NALF1: variants seen among roughly 807,000 people sequenced by gnomAD.
NALF1 encodes the protein family with sequence similarity 155 member A.
In NALF1, 3 loss-of-function variants were observed where a neutral mutation model predicts 48.4. The observed-to-expected ratio is 0.06, with a 90% CI of 0.03 to 0.16. The LOEUF (loss-of-function observed/expected upper bound fraction) is 0.16. Ranked by LOEUF, NALF1 falls within the 10% of genes least tolerant of loss-of-function variation. The pLI is 1.00. For missense variants in NALF1, 526 were observed against 571.5 expected (o/e 0.92, Z 0.81); for synonymous variants, 262 against 245.7 (o/e 1.07, Z -0.62).
chr13:107,693,760 G>A (rs555939156), intron 1 of NALF1, among the ~76,000 whole-genome samples: 1 of 152,164 alleles, frequency 6.6e-6, no homozygotes, highest in Non-Finnish European at 1.5e-5. Flanking sequence ...CCCTCAAAAA[G>A]ATGTCATAAA....
chr13:107,334,339 C>T (rs1882519016), intron 1 of NALF1, among the ~76,000 whole-genome samples: 1 of 152,148 alleles, frequency 6.6e-6, no homozygotes, highest in Non-Finnish European at 1.5e-5. Context: ...ACATCCTGCC[C>T]GAAGGACCAA....
chr13:107,790,871 T>C (rs1013684973), intron 1 of NALF1, among the ~76,000 whole-genome samples: 4 of 152,116 alleles, frequency 2.6e-5, no homozygotes, highest in African/African-American at 9.7e-5. Context: ...CTTATAACAG[T>C]GTTACATCAT....
intron 1 of NALF1, among the ~76,000 whole-genome samples, chr13:107,711,021 T>A (rs1210663733): frequency 6.6e-6 from 1 of 152,102 alleles, no homozygotes. Context: ...AATCATTTTA[T>A]GAAAGACTGC....
At chr13:107,505,818 T>C (rs1290121271) in intron 1 of NALF1, among the ~76,000 whole-genome samples, 1 of 152,214 alleles carries the variant, frequency 6.6e-6, no homozygotes, top group African/African-American at 2.4e-5. Flanking sequence ...ATTTCCATAT[T>C]ATTGTGAGAA....
chr13:107,363,075 C>T (rs1287309399), intron 1 of NALF1, among the ~76,000 whole-genome samples: 1 of 152,168 alleles, frequency 6.6e-6, no homozygotes, highest in Non-Finnish European at 1.5e-5. Context: ...TTAAGTCCTT[C>T]AATACTGTGC....
At chr13:107,343,907 AAC>A (rs978990031) in intron 1 of NALF1, among the ~76,000 whole-genome samples, 21 of 152,276 alleles carry the variant, frequency 1.4e-4, no homozygotes, top group African/African-American at 5.1e-4. Flanking sequence ...AAAAAAATTA[AAC>A]ACAGAGTTTT....
chr13:107,706,353 G>A (rs1390520213), intron 1 of NALF1, among the ~76,000 whole-genome samples: 1 of 152,184 alleles, frequency 6.6e-6, no homozygotes, highest in East Asian at 1.9e-4. Context: ...TTTAGAATAT[G>A]TGGACACGCA....
intron 1 of NALF1, among the ~76,000 whole-genome samples, chr13:107,702,222 A>T (rs1881839959): frequency 6.6e-6 from 1 of 151,354 alleles, no homozygotes. Flanking sequence ...TAGCGAATTT[A>T]TTAAACTTTC....
At chr13:107,547,116 G>A (rs1877155613) in intron 1 of NALF1, among the ~76,000 whole-genome samples, 1 of 152,164 alleles carries the variant, frequency 6.6e-6, no homozygotes. Flanking sequence ...AATAAATGAT[G>A]AGCATTGATA....
chr13:107,744,868 TA>T (rs1876742200), intron 1 of NALF1, among the ~76,000 whole-genome samples: 1 of 152,222 alleles, frequency 6.6e-6, no homozygotes, highest in Non-Finnish European at 1.5e-5. Context: ...AACTCTAGGT[TA>T]AAAAGAATTA....
intron 2 of NALF1, among the ~76,000 whole-genome samples, chr13:107,196,545 G>A (rs1159182179): frequency 1.3e-5 from 2 of 152,182 alleles, no homozygotes; most frequent in African/African-American, 4.8e-5. Flanking sequence ...TTGCCACAAT[G>A]TGGATGAACC....
chr13:107,540,240 T>A (rs1178992777), intron 1 of NALF1, among the ~76,000 whole-genome samples: 1 of 152,066 alleles, frequency 6.6e-6, no homozygotes, highest in South Asian at 2.1e-4. Flanking sequence ...ACATGGAATG[T>A]TTGTCAAGCT....
chr13:107,746,410 G>T (rs1205445705), intron 1 of NALF1, among the ~76,000 whole-genome samples: 1 of 152,038 alleles, frequency 6.6e-6, no homozygotes, highest in African/African-American at 2.4e-5. Flanking sequence ...ATATTGTGTT[G>T]GAGAAAAATA....
intron 2 of NALF1, among the ~76,000 whole-genome samples, chr13:107,171,074 T>G (rs185740770): frequency 6.6e-6 from 1 of 152,354 alleles, no homozygotes; most frequent in African/African-American, 2.4e-5. Flanking sequence ...AATCAGAACT[T>G]GAGGTTCCGG....
At chr13:107,638,325 C>A (rs142151580) in intron 1 of NALF1, among the ~76,000 whole-genome samples, 53 of 151,702 alleles carry the variant, frequency 3.5e-4, no homozygotes, top group African/African-American at 1.3e-3. Context: ...TTTAGCAAAA[C>A]ATATTACTAG....
intron 1 of NALF1, among the ~76,000 whole-genome samples, chr13:107,234,713 A>AT (rs968286400): frequency 1.3e-5 from 2 of 151,662 alleles, no homozygotes; most frequent in African/African-American, 4.9e-5. Context: ...TAGAAAAAAA[A>AT]ACCAAAACAA....
intron 1 of NALF1, among the ~76,000 whole-genome samples, chr13:107,293,105 C>T (rs546886140): frequency 1.3e-5 from 2 of 151,376 alleles, no homozygotes; most frequent in South Asian, 4.2e-4. Flanking sequence ...CTCAGCCTCC[C>T]GAGCAGCTGG....
intron 1 of NALF1, among the ~76,000 whole-genome samples, chr13:107,849,164 T>C (rs540719395): frequency 6.0e-4 from 91 of 152,362 alleles, no homozygotes; most frequent in African/African-American, 2.1e-3. Flanking sequence ...GGTAATACTC[T>C]ATCTCATTTC....
At chr13:107,639,078 T>C (rs1180643777) in intron 1 of NALF1, among the ~76,000 whole-genome samples, 1 of 152,194 alleles carries the variant, frequency 6.6e-6, no homozygotes, top group Non-Finnish European at 1.5e-5. Flanking sequence ...TAAAAGCAAA[T>C]TGTTCTCCTG....
Sources: gnomAD v4.1 joint callset for allele counts (sites outside exome capture counted in the v4.1 genomes callset) on GRCh38, gnomAD v4.1.1 for gene constraint, MANE v1.5 for transcripts, NCBI Gene and HGNC (gene_info 2026-07-23, HGNC 2026-07-21) for gene names.